PLAC1: variants seen among roughly 807,000 people sequenced by gnomAD.
The protein encoded by PLAC1 is placenta associated 1.
For missense variants in PLAC1, 136 were observed against 163.2 expected (o/e 0.83, Z 0.91); for synonymous variants, 68 against 62.1 (o/e 1.09, Z -0.44).
rs2078740550 is a variant in PLAC1 at position 134,750,845 on chromosome X, ATTTATATATATATATTTT to A, written n.89+13371_89+13388del. ...TATATATATATATATTTATATATAT[ATTTATATATATATATTTT>A]TATATATATATATTTATAAATATAT... On this transcript the variant is annotated intron_variant and non_coding_transcript_variant, in intron 1 of 2. Coordinates refer to the PLAC1 transcript ENST00000466797. 1.4e-4 allele frequency among the ~76,000 whole-genome samples: 4 copies of A among 28,058 alleles called. 1 individual carries two copies. The highest frequency in any genetic ancestry group is 7.5e-4 in the African/African-American group (3 of 3,977). The allele number at this position is 28,058 out of a possible 115,157, so 24.4% of individuals were successfully genotyped here.
intron 1 of PLAC1, among the ~76,000 whole-genome samples, chrX:134,631,784 GT>G (rs2078263790): frequency 8.9e-6 from 1 of 112,017 alleles, no homozygotes; most frequent in East Asian, 2.8e-4. Context: ...TTACAGACAG[GT>G]TTTTTCATGC....
intron 1 of PLAC1, among the ~76,000 whole-genome samples, chrX:134,623,045 C>T (rs1257415274): frequency 8.9e-6 from 1 of 112,362 alleles, no homozygotes; most frequent in Non-Finnish European, 1.9e-5. Context: ...TCTAAAGATC[C>T]TTTGTCAACT....
chrX:134,740,987 A>G (rs1381018395), intron 1 of PLAC1, among the ~76,000 whole-genome samples: 1 of 112,313 alleles, frequency 8.9e-6, no homozygotes, highest in African/African-American at 3.2e-5. Context: ...AATTTGTAGT[A>G]ATGTGTTATG....
intron 2 of PLAC1, among the ~76,000 whole-genome samples, chrX:134,586,402 G>A (rs997911632): frequency 4.5e-5 from 5 of 111,956 alleles, no homozygotes; most frequent in East Asian, 2.8e-4. Flanking sequence ...CCCTTAAAGC[G>A]ATTTAGTAAT....
At chrX:134,623,417 C>T (rs747412073) in intron 1 of PLAC1, among the ~76,000 whole-genome samples, 2 of 112,518 alleles carry the variant, frequency 1.8e-5, no homozygotes, top group Non-Finnish European at 3.8e-5. Flanking sequence ...TTGCCGAGCA[C>T]TTAATATGTG....
intron 2 of PLAC1, among the ~76,000 whole-genome samples, chrX:134,595,617 GTATA>G (rs57890518): frequency 1.2e-3 from 128 of 102,910 alleles, no homozygotes; most frequent in African/African-American, 3.8e-3. Context: ...TATAATGTGT[GTATA>G]TATATATATA....
chrX:134,744,500 T>C (rs1437049487), intron 1 of PLAC1, among the ~76,000 whole-genome samples: 1 of 111,483 alleles, frequency 9.0e-6, no homozygotes, highest in Non-Finnish European at 1.9e-5. Flanking sequence ...AAAATGGGAA[T>C]TATCATAATA....
intron 2 of PLAC1, among the ~76,000 whole-genome samples, chrX:134,690,759 C>T (rs1169205181): frequency 9.5e-6 from 1 of 105,083 alleles, no homozygotes; most frequent in African/African-American, 3.5e-5. Flanking sequence ...TGGTGAAACC[C>T]CGTCTCTACT....
At chrX:134,681,509 A>C (rs1281932114) in intron 2 of PLAC1, among the ~76,000 whole-genome samples, 3 of 112,107 alleles carry the variant, frequency 2.7e-5, no homozygotes, top group African/African-American at 9.7e-5. Context: ...GATAACAACT[A>C]TTTATTAAAA....
chrX:134,697,046 GGAAA>G (rs1374351849), intron 2 of PLAC1, among the ~76,000 whole-genome samples: 7 of 106,563 alleles, frequency 6.6e-5, no homozygotes, highest in Non-Finnish European at 1.4e-4. Context: ...AAAAAAAAAA[GGAAA>G]GAAAGAAAGA....
intron 1 of PLAC1, among the ~76,000 whole-genome samples, chrX:134,752,361 T>A (rs1186450735): frequency 9.0e-6 from 1 of 111,715 alleles, no homozygotes; most frequent in East Asian, 2.8e-4. Flanking sequence ...AAGGGCAATA[T>A]CATGCAATAA....
At chrX:134,744,949 C>A (rs779513283) in intron 1 of PLAC1, among the ~76,000 whole-genome samples, 1 of 111,389 alleles carries the variant, frequency 9.0e-6, no homozygotes, top group East Asian at 2.8e-4. Flanking sequence ...ATCAGTCTCC[C>A]AGAGTCTCCA....
rs185549635 is a variant in PLAC1, at chrX:134,636,252, G to T, written c.-131+22076C>A. Among the ~76,000 whole-genome samples the T allele has an allele frequency of 3.1e-3, 347 of 112,160 alleles. 2 individuals carry two copies. The highest frequency in any genetic ancestry group is 6.4e-3 in the Admixed American group (68 of 10,594). ...CCTTGAAAAGGGTTAAAACTTACAT[G>T]AGCCCACGACAAACCCTTGGCATCT... On this transcript the variant is annotated intron_variant, in intron 1 of 2. Transcript: ENST00000359237.
chrX:134,704,979 CG>C (rs1187858678), intron 2 of PLAC1, among the ~76,000 whole-genome samples: 1 of 88,974 alleles, frequency 1.1e-5, no homozygotes, highest in African/African-American at 4.7e-5. Flanking sequence ...GGCAACAAAG[CG>C]AGACTCCAAC....
intron 2 of PLAC1, among the ~76,000 whole-genome samples, chrX:134,722,361 G>A (rs2078660736): frequency 8.9e-6 from 1 of 112,693 alleles, no homozygotes; most frequent in African/African-American, 3.2e-5. Flanking sequence ...AAGGAATGAA[G>A]CACTGATTCA....
chrX:134,718,211 G>T (rs2078648535), intron 2 of PLAC1, among the ~76,000 whole-genome samples: 1 of 111,597 alleles, frequency 9.0e-6, no homozygotes, highest in Non-Finnish European at 1.9e-5. Context: ...GTCTGGAGAA[G>T]TGTAAGCCAG....
At chrX:134,727,561 C>G (rs771604506) in intron 2 of PLAC1, among the ~76,000 whole-genome samples, 9 of 111,793 alleles carry the variant, frequency 8.1e-5, no homozygotes, top group Non-Finnish European at 1.1e-4. Context: ...TTATACTTTG[C>G]AAATTGTAGC....
At chrX:134,608,848 T>G (rs778528323) in intron 1 of PLAC1, among the ~76,000 whole-genome samples, 1 of 109,172 alleles carries the variant, frequency 9.2e-6, no homozygotes, top group Admixed American at 9.8e-5. Flanking sequence ...GCTAATTTTT[T>G]ATATTTTAGT....
chrX:134,604,192 C>A (rs2078111513), intron 1 of PLAC1, among the ~76,000 whole-genome samples: 1 of 112,776 alleles, frequency 8.9e-6, no homozygotes. Flanking sequence ...GAAATGGTTT[C>A]ATTGGCCTGG....
Sources: allele counts gnomAD v4.1 joint callset (sites outside exome capture counted in the v4.1 genomes callset), GRCh38; gene constraint gnomAD v4.1.1; transcripts MANE v1.5; gene names NCBI Gene and HGNC (gene_info 2026-07-23, HGNC 2026-07-21).